Variants in RTP2 observed in about 807,000 individuals in gnomAD.
The protein encoded by RTP2 is receptor-transporting protein 2.
Under a neutral mutation model 17.9 loss-of-function variants are expected in RTP2, and 12 were observed. The ratio of observed to expected loss-of-function variants is 0.67; its 90% CI spans 0.43 to 1.09. The LOEUF (loss-of-function observed/expected upper bound fraction) is 1.09, where lower values mean the gene tolerates loss of function less well. RTP2 is among the 50% of genes least tolerant of loss of function. The pLI, the probability that RTP2 is intolerant of heterozygous loss-of-function variation, is 0.00. For synonymous variants in RTP2, 126 were observed against 117.7 expected (o/e 1.07, Z -0.46); for missense variants, 327 against 295.7 (o/e 1.11, Z -0.78).
chr3:187,698,718 T>A (rs761970441), exon 2 of RTP2: 47 of 1,614,062 alleles, frequency 2.9e-5, no homozygotes, highest in Non-Finnish European at 3.9e-5. Context: ...CTCACAGAAC[T>A]CTGCACGATG....
the RTP2 span, among the ~76,000 whole-genome samples, chr3:187,710,945 G>T: frequency 6.6e-6 from 1 of 152,026 alleles, no homozygotes; most frequent in African/African-American, 2.4e-5. Flanking sequence ...AATTTTCTAG[G>T]TGCCGAATTA....
chr3:187,713,221 C>CAA, the RTP2 span, among the ~76,000 whole-genome samples: 1 of 152,322 alleles, frequency 6.6e-6, no homozygotes, highest in East Asian at 1.9e-4. Flanking sequence ...GGCGCCATGG[C>CAA]ATGTCCCAGT....
chr3:187,706,494 A>C (rs1304486391), upstream of RTP2, among the ~76,000 whole-genome samples: 1 of 152,258 alleles, frequency 6.6e-6, no homozygotes, highest in African/African-American at 2.4e-5. Context: ...GTGAAACAAG[A>C]AAATGGCCAC....
upstream of RTP2, among the ~76,000 whole-genome samples, chr3:187,704,342 A>G (rs1195313245): frequency 6.6e-6 from 1 of 152,182 alleles, no homozygotes; most frequent in Non-Finnish European, 1.5e-5. Flanking sequence ...TGGAGCTTAA[A>G]ATGACAAAGT....
At chr3:187,707,756 T>C in the RTP2 span, among the ~76,000 whole-genome samples, 1 of 152,228 alleles carries the variant, frequency 6.6e-6, no homozygotes, top group Non-Finnish European at 1.5e-5. Context: ...ATGTGCTATT[T>C]AAACGCATTG....
the RTP2 span, among the ~76,000 whole-genome samples, chr3:187,713,204 G>A: frequency 6.6e-6 from 1 of 152,236 alleles, no homozygotes; most frequent in Non-Finnish European, 1.5e-5. Flanking sequence ...CTGTGATGCA[G>A]GTGGTGGGCG....
chr3:187,712,068 G>C, the RTP2 span, among the ~76,000 whole-genome samples: 1 of 152,254 alleles, frequency 6.6e-6, no homozygotes, highest in East Asian at 1.9e-4. Flanking sequence ...GGTTGTGGTG[G>C]TGGCCATGTG....
chr3:187,699,187 G>A (rs1340608262), intron 1 of RTP2, among the ~76,000 whole-genome samples, 176 bp from the exon 2 acceptor site: 1 of 152,086 alleles, frequency 6.6e-6, no homozygotes, highest in African/African-American at 2.4e-5. Context: ...TCCTCCTGGT[G>A]AGCACCCCTG....
the RTP2 span, among the ~76,000 whole-genome samples, chr3:187,711,573 A>T: frequency 6.6e-6 from 1 of 152,228 alleles, no homozygotes; most frequent in African/African-American, 2.4e-5. Context: ...AAGTTTTCTA[A>T]GGCTACTGTT....
intron 1 of RTP2, 27 bp downstream of exon 1, chr3:187,701,938 A>T (rs1411853829): frequency 6.5e-7 from 1 of 1,543,874 alleles, no homozygotes; most frequent in East Asian, 2.3e-5. Context: ...GGCTGTCTGC[A>T]AGGTCCCTCC....
the RTP2 span, among the ~76,000 whole-genome samples, chr3:187,711,625 A>G: frequency 6.6e-6 from 1 of 152,196 alleles, no homozygotes; most frequent in Non-Finnish European, 1.5e-5. Context: ...ATTCTTAAAC[A>G]TTTATGCTGA....
At chr3:187,698,337 T>A (rs1717739907) in exon 2 of RTP2, 6 of 619,446 alleles carry the variant, frequency 9.7e-6, no homozygotes, top group Admixed American at 6.0e-5. Flanking sequence ...TCATTGCCTA[T>A]CTTCTAATGC....
the RTP2 span, among the ~76,000 whole-genome samples, chr3:187,709,292 T>C: frequency 6.6e-6 from 1 of 152,206 alleles, no homozygotes; most frequent in African/African-American, 2.4e-5. Flanking sequence ...GATTCGGAGC[T>C]TGTTTGTGAG....
upstream of RTP2, among the ~76,000 whole-genome samples, chr3:187,706,730 G>A (rs576278782): frequency 4.6e-5 from 7 of 152,256 alleles, no homozygotes; most frequent in East Asian, 1.4e-3. Context: ...AGCCTCCTGA[G>A]TAGCTGGGAT....
chr3:187,712,063 T>C, the RTP2 span, among the ~76,000 whole-genome samples: 3 of 151,874 alleles, frequency 2.0e-5, no homozygotes, highest in African/African-American at 7.3e-5. Context: ...ATCTTGGTTG[T>C]GGTGGTGGCC....
At chr3:187,698,555 A>T in exon 2 of RTP2, 1 of 1,614,144 alleles carries the variant, frequency 6.2e-7, no homozygotes, top group Non-Finnish European at 8.5e-7. Context: ...GCAGGCAGAG[A>T]GAGGCCCAGA....
chr3:187,704,543 A>T (rs1015622705), upstream of RTP2, among the ~76,000 whole-genome samples: 8 of 152,332 alleles, frequency 5.3e-5, no homozygotes, highest in African/African-American at 1.9e-4. Flanking sequence ...CCCACAGGCT[A>T]CTGGAGGCCA....
At chr3:187,706,676 C>T (rs1183899057), upstream of RTP2, among the ~76,000 whole-genome samples, 2 of 152,154 alleles carry the variant, frequency 1.3e-5, no homozygotes, top group Admixed American at 6.5e-5. Context: ...GATCTCGGCT[C>T]ACTGCAGCCT....
At chr3:187,710,574 A>T in the RTP2 span, among the ~76,000 whole-genome samples, 2 of 148,792 alleles carry the variant, frequency 1.3e-5, no homozygotes, top group African/African-American at 5.2e-5. Context: ...TATGATATAC[A>T]TATGTGTATA....
Sources: allele counts gnomAD v4.1 joint callset (sites outside exome capture counted in the v4.1 genomes callset), GRCh38; gene constraint gnomAD v4.1.1; transcripts MANE v1.5; gene names NCBI Gene and HGNC (gene_info 2026-07-23, HGNC 2026-07-21).